RTL4: variants seen among roughly 807,000 people sequenced by gnomAD.
The protein encoded by RTL4 is retrotransposon Gag-like protein 4.
In RTL4, 4 loss-of-function variants were observed where a neutral mutation model predicts 5.3. That is an observed-to-expected ratio of 0.75 (90% CI 0.37 to 1.72). RTL4 has a LOEUF of 1.72. RTL4 is among the 40% of genes most tolerant of loss of function. RTL4 has a pLI of 0.04. For missense variants in RTL4, 260 were observed against 227.1 expected (o/e 1.14, Z -0.93); for synonymous variants, 98 against 87.3 (o/e 1.12, Z -0.68).
At chrX:112,234,342 T>C in the RTL4 span, among the ~76,000 whole-genome samples, 1 of 111,807 alleles carries the variant, frequency 8.9e-6, no homozygotes, top group Non-Finnish European at 1.9e-5. Flanking sequence ...TTTCTTCTGT[T>C]GGGTAATCAG....
At chrX:112,305,358 T>TTTTA in the RTL4 span, among the ~76,000 whole-genome samples, 25 of 106,740 alleles carry the variant, frequency 2.3e-4, no homozygotes, top group African/African-American at 7.6e-4. Context: ...TTTATTTTAT[T>TTTTA]TTTATTTATT....
the RTL4 span, among the ~76,000 whole-genome samples, chrX:112,215,534 G>A: frequency 1.8e-5 from 2 of 111,925 alleles, no homozygotes; most frequent in African/African-American, 6.5e-5. Flanking sequence ...TCATATAAGT[G>A]GAGTCACACA....
the RTL4 span, among the ~76,000 whole-genome samples, chrX:112,107,001 G>T: frequency 9.0e-6 from 1 of 111,643 alleles, no homozygotes; most frequent in Admixed American, 9.5e-5. Context: ...TCTTTGCTGT[G>T]CAGAAGTTTT....
chrX:112,419,636 A>ATGTATATATATATATATATTTACAT, the RTL4 span, among the ~76,000 whole-genome samples: 1 of 9,727 alleles, frequency 1.0e-4, no homozygotes, highest in African/African-American at 1.7e-4. Flanking sequence ...TAAGTATGTA[A>ATGTATATATATATATATATTTACAT]ATCTGACTCT....
the RTL4 span, among the ~76,000 whole-genome samples, chrX:112,175,651 C>G: frequency 9.0e-6 from 1 of 111,265 alleles, no homozygotes; most frequent in Admixed American, 9.6e-5. Flanking sequence ...TCAATAGATG[C>G]AGAAAAGGCC....
the RTL4 span, among the ~76,000 whole-genome samples, chrX:112,189,410 CAAT>C: frequency 9.0e-6 from 1 of 111,526 alleles, no homozygotes; most frequent in Non-Finnish European, 1.9e-5. Flanking sequence ...ATAAAATAAG[CAAT>C]AATAACATAC....
At chrX:112,367,523 C>T in the RTL4 span, among the ~76,000 whole-genome samples, 8 of 112,145 alleles carry the variant, frequency 7.1e-5, no homozygotes, top group African/African-American at 2.3e-4. Flanking sequence ...CTCTATCACA[C>T]ATTTCTTGTT....
chrX:112,102,325 T>A, the RTL4 span, among the ~76,000 whole-genome samples: 1 of 111,487 alleles, frequency 9.0e-6, no homozygotes, highest in Non-Finnish European at 1.9e-5. Context: ...CTATCTTATA[T>A]AGTAAAACAT....
At chrX:112,216,462 G>A in the RTL4 span, among the ~76,000 whole-genome samples, 94 of 111,915 alleles carry the variant, frequency 8.4e-4, no homozygotes, top group Non-Finnish European at 1.6e-3. Context: ...TTAAAGAAAG[G>A]ATGTTTGGGG....
the RTL4 span, among the ~76,000 whole-genome samples, chrX:112,125,316 TG>T: frequency 8.9e-6 from 1 of 111,741 alleles, no homozygotes; most frequent in Admixed American, 9.5e-5. Flanking sequence ...TACTTGAAGA[TG>T]TACTGTTCTG....
At chrX:112,190,234 G>C in the RTL4 span, among the ~76,000 whole-genome samples, 6 of 86,791 alleles carry the variant, frequency 6.9e-5, no homozygotes, top group African/African-American at 2.7e-4. Context: ...ATTCTTAAAG[G>C]ATCTTGTCAT....
the RTL4 span, among the ~76,000 whole-genome samples, chrX:112,328,159 T>C: frequency 9.2e-6 from 1 of 109,080 alleles, no homozygotes; most frequent in African/African-American, 3.4e-5. Flanking sequence ...CATAACAATA[T>C]TAATTTTAAA....
chrX:112,440,350 C>T, the RTL4 span, among the ~76,000 whole-genome samples: 7 of 111,670 alleles, frequency 6.3e-5, no homozygotes, highest in African/African-American at 2.0e-4. Context: ...GGCCTCCCTG[C>T]AGACTGAATC....
the RTL4 span, among the ~76,000 whole-genome samples, chrX:112,301,989 C>T: frequency 2.8e-5 from 3 of 106,302 alleles, no homozygotes; most frequent in African/African-American, 1.0e-4. Flanking sequence ...GGTCAGGGGC[C>T]GTGGCTCACG....
chrX:112,096,633 A>G, the RTL4 span, among the ~76,000 whole-genome samples: 2 of 111,771 alleles, frequency 1.8e-5, no homozygotes, highest in African/African-American at 6.5e-5. Context: ...GCAGCTTTAC[A>G]TCTACACTAA....
the RTL4 span, among the ~76,000 whole-genome samples, chrX:112,177,931 C>G: frequency 9.3e-6 from 1 of 107,824 alleles, no homozygotes; most frequent in Admixed American, 1.0e-4. Flanking sequence ...CATAAAGAAA[C>G]AGGAGTGTCT....
At chrX:112,324,792 T>C in the RTL4 span, among the ~76,000 whole-genome samples, 1 of 111,791 alleles carries the variant, frequency 8.9e-6, no homozygotes, top group Non-Finnish European at 1.9e-5. Context: ...TTATAGAATG[T>C]TCCATGTGCA....
the RTL4 span, among the ~76,000 whole-genome samples, chrX:112,156,137 C>T: frequency 1.2e-4 from 13 of 112,207 alleles, no homozygotes; most frequent in Non-Finnish European, 1.3e-4. Flanking sequence ...ATAGTATTTT[C>T]ACCTTCTTTT....
the RTL4 span, among the ~76,000 whole-genome samples, chrX:112,329,362 G>C: frequency 9.9e-5 from 11 of 111,559 alleles, no homozygotes; most frequent in Admixed American, 9.5e-4. Flanking sequence ...AAACTACCAT[G>C]ACAGAATACT....
Sources: gnomAD v4.1 joint callset for allele counts (sites outside exome capture counted in the v4.1 genomes callset) on GRCh38, gnomAD v4.1.1 for gene constraint, MANE v1.5 for transcripts, NCBI Gene and HGNC (gene_info 2026-07-23, HGNC 2026-07-21) for gene names.